PDE10A: variants seen among roughly 807,000 people sequenced by gnomAD.
The protein encoded by PDE10A is phosphodiesterase 10A.
A neutral mutation model predicts 97.7 loss-of-function variants in PDE10A; 39 were observed. The ratio of observed to expected loss-of-function variants is 0.40; its 90% CI spans 0.31 to 0.52. PDE10A has a LOEUF of 0.52. Ranked by LOEUF, PDE10A falls within the 20% of genes least tolerant of loss-of-function variation. PDE10A has a pLI of 0.56. For synonymous variants in PDE10A, 371 were observed against 376.8 expected, an observed-to-expected ratio of 0.98 and a Z score of 0.18; for missense variants, 731 against 1,047.8, an observed-to-expected ratio of 0.70 and a Z score of 4.17.
chr6:165,365,883 T>G (rs1583123813), intron 18 of PDE10A, among the ~76,000 whole-genome samples: 1 of 152,114 alleles, frequency 6.6e-6, no homozygotes, highest in South Asian at 2.1e-4. Flanking sequence ...CAAATTATAA[T>G]GTACAAAAAA....
chr6:165,523,230 A>G (rs532545897), intron 2 of PDE10A, among the ~76,000 whole-genome samples: 4 of 151,958 alleles, frequency 2.6e-5, no homozygotes, highest in Non-Finnish European at 5.9e-5. Flanking sequence ...ATTCCCATCA[A>G]ACTATCAACG....
At chr6:165,613,157 A>C (rs1237545960) in intron 1 of PDE10A, among the ~76,000 whole-genome samples, 1 of 152,302 alleles carries the variant, frequency 6.6e-6, no homozygotes, top group East Asian at 1.9e-4. Flanking sequence ...GATAAAACAA[A>C]AGGTTATATT....
chr6:165,472,617 G>T (rs981350307), intron 3 of PDE10A, among the ~76,000 whole-genome samples: 3 of 151,862 alleles, frequency 2.0e-5, no homozygotes, highest in African/African-American at 7.3e-5. Flanking sequence ...TTTTACATTT[G>T]GGTTTAAAAA....
chr6:165,486,291 T>C (rs1383183570), intron 2 of PDE10A, among the ~76,000 whole-genome samples: 3 of 152,210 alleles, frequency 2.0e-5, no homozygotes, highest in African/African-American at 7.2e-5. Flanking sequence ...CTGTGAATGA[T>C]TACATATCAG....
intron 1 of PDE10A, among the ~76,000 whole-genome samples, chr6:165,973,789 A>T (rs1784768367): frequency 6.6e-6 from 1 of 152,236 alleles, no homozygotes; most frequent in Non-Finnish European, 1.5e-5. Context: ...TCATTTATGA[A>T]TACAGTAACA....
intron 1 of PDE10A, among the ~76,000 whole-genome samples, chr6:165,824,419 A>G (rs921497621): frequency 6.6e-6 from 1 of 152,242 alleles, no homozygotes; most frequent in Non-Finnish European, 1.5e-5. Flanking sequence ...GCTTTGGGCA[A>G]CAATTATATA....
At chr6:165,977,904 C>T (rs1784897011) in intron 1 of PDE10A, among the ~76,000 whole-genome samples, 1 of 152,174 alleles carries the variant, frequency 6.6e-6, no homozygotes, top group Non-Finnish European at 1.5e-5. Flanking sequence ...CAGAATATTA[C>T]TTAGCACTTA....
chr6:165,842,052 G>C lies in PDE10A; in HGVS notation c.-615+145477C>G, dbSNP rs147430899. ...ATACATATGTACAAGTTGGAAAAAG[G>C]TTTTATAGATGTACCTAACCAGGCG... On this transcript the variant is annotated intron_variant, in intron 1 of 19. Transcript: ENST00000366882. 2.6e-4 allele frequency among the ~76,000 whole-genome samples: 39 copies of C among 152,316 alleles called. 2 individuals carry two copies. In the East Asian group the frequency reaches 6.4e-3, roughly 25 times the overall value.
At chr6:165,482,504 A>T (rs1779664705) in intron 2 of PDE10A, among the ~76,000 whole-genome samples, 161 bp from the exon 3 acceptor site, 1 of 152,234 alleles carries the variant, frequency 6.6e-6, no homozygotes, top group Non-Finnish European at 1.5e-5. Flanking sequence ...AAGGTTGAAC[A>T]TAACATATTA....
At chr6:165,367,228 T>C (rs117081113) in intron 18 of PDE10A, among the ~76,000 whole-genome samples, 53 of 126,222 alleles carry the variant, frequency 4.2e-4, no homozygotes, top group South Asian at 9.8e-4. Flanking sequence ...TATATATATA[T>C]ACACACACAC....
At chr6:165,514,837 G>T (rs1349805040) in intron 2 of PDE10A, among the ~76,000 whole-genome samples, 1 of 152,190 alleles carries the variant, frequency 6.6e-6, no homozygotes, top group East Asian at 1.9e-4. Context: ...AGTTTTTAAG[G>T]TATGAATGAT....
intron 1 of PDE10A, among the ~76,000 whole-genome samples, chr6:165,717,215 A>G (rs1792046125): frequency 6.6e-6 from 1 of 152,212 alleles, no homozygotes; most frequent in Non-Finnish European, 1.5e-5. Context: ...GGATGGACAC[A>G]CTACAATCTG....
chr6:165,434,016 C>CA (rs759945561), intron 6 of PDE10A, among the ~76,000 whole-genome samples: 11,710 of 54,226 alleles, frequency 0.22, 1,669 homozygotes, highest in South Asian at 0.29. Context: ...GACTCCGTCT[C>CA]AAAAAAAAAA....
At chr6:165,926,443 G>A (rs1009319490) in intron 1 of PDE10A, among the ~76,000 whole-genome samples, 2 of 152,168 alleles carry the variant, frequency 1.3e-5, no homozygotes, top group African/African-American at 4.8e-5. Flanking sequence ...AATTCTCAGA[G>A]GCAAAAGTTC....
chr6:165,663,561 C>T (rs927537995), upstream of PDE10A, among the ~76,000 whole-genome samples: 1 of 152,212 alleles, frequency 6.6e-6, no homozygotes, highest in African/African-American at 2.4e-5. Flanking sequence ...CAGCTCCGAC[C>T]CAGCTGTGCT....
At chr6:165,509,437 T>C (rs1781387951) in intron 2 of PDE10A, among the ~76,000 whole-genome samples, 1 of 152,012 alleles carries the variant, frequency 6.6e-6, no homozygotes, top group Non-Finnish European at 1.5e-5. Flanking sequence ...TTCCATTGTA[T>C]AATTTGTCTA....
At chr6:165,676,899 G>C (rs1032152823) in intron 1 of PDE10A, among the ~76,000 whole-genome samples, 3 of 152,228 alleles carry the variant, frequency 2.0e-5, no homozygotes, top group Admixed American at 2.0e-4. Context: ...CGCACTCACA[G>C]CATGGCTGGG....
chr6:165,898,227 A>G (rs1159665303), intron 1 of PDE10A, among the ~76,000 whole-genome samples: 1 of 152,066 alleles, frequency 6.6e-6, no homozygotes, highest in Admixed American at 6.6e-5. Context: ...CTGTTTTTAC[A>G]CTGAGAAGGT....
intron 1 of PDE10A, among the ~76,000 whole-genome samples, chr6:165,814,183 G>A (rs1779350235): frequency 6.6e-6 from 1 of 152,188 alleles, no homozygotes; most frequent in African/African-American, 2.4e-5. Context: ...CTGGATATGG[G>A]ACTGTGGACC....
Sources: gnomAD v4.1 joint callset for allele counts (sites outside exome capture counted in the v4.1 genomes callset) on GRCh38, gnomAD v4.1.1 for gene constraint, MANE v1.5 for transcripts, NCBI Gene and HGNC (gene_info 2026-07-23, HGNC 2026-07-21) for gene names.